NOSIP: variants seen among roughly 807,000 people sequenced by gnomAD.
NOSIP encodes the protein nitric oxide synthase interacting protein, also known as nitric oxide synthase-interacting protein.
Under a neutral mutation model 36.4 loss-of-function variants are expected in NOSIP, and 25 were observed. The ratio of observed to expected loss-of-function variants is 0.69; its 90% CI spans 0.50 to 0.96. The LOEUF is 0.96. NOSIP is among the 40% of genes least tolerant of loss of function. The probability of loss-of-function intolerance (pLI) is 0.00; values close to 1 mark genes in which losing one functional copy is unlikely to be tolerated. For synonymous variants in NOSIP, 187 were observed against 179.2 expected (o/e 1.04, Z -0.35); for missense variants, 370 against 429.0 (o/e 0.86, Z 1.21).
intron 1 of NOSIP, among the ~76,000 whole-genome samples, chr19:49,575,940 ACTAACACGGTGAAACCCCGT>A (rs2080546629): frequency 6.6e-6 from 1 of 151,526 alleles, no homozygotes; most frequent in Non-Finnish European, 1.5e-5. Context: ...GACCATCCTG[ACTAACACGGTGAAACCCCGT>A]CTCTACTAAT....
At chr19:49,574,030 T>G (rs1043249826) in intron 1 of NOSIP, among the ~76,000 whole-genome samples, 11 of 151,990 alleles carry the variant, frequency 7.2e-5, no homozygotes, top group Admixed American at 1.3e-4. Context: ...TAGATACTTT[T>G]TTTGTATTTT....
Position 49,557,237 on chromosome 19 carries a change from G to A in NOSIP, c.271C>T (p.Gln91Ter). Residue 91 changes from glutamine (Q) to a stop codon, truncating the protein, a stop_gained, in exon 5 of 9, where the codon CAG becomes TAG. Coordinates refer to ENST00000596358, the MANE Select transcript of NOSIP (RefSeq NM_001270960.2). LOFTEE classifies it high-confidence loss of function. ...IARQMKAYEK[Q>*]RGTRREEQKE... ...TGCTCCTCGCGCCGGGTGCCCCGCTGCTTCTCGTAGGCCTGCGTCGGGGAA... is the reference window on the plus strand; with the variant it reads ...TGCTCCTCGCGCCGGGTGCCCCGCTACTTCTCGTAGGCCTGCGTCGGGGAA... The A allele has an allele frequency of 1.3e-6, 2 of 1,588,668 alleles. No homozygotes were observed. The highest frequency in any genetic ancestry group is 1.7e-6 in the Non-Finnish European group (2 of 1,168,482).
At chr19:49,558,578 A>T (rs140956669) in intron 4 of NOSIP, 17 of 283,982 alleles carry the variant, frequency 6.0e-5, no homozygotes, top group Non-Finnish European at 5.4e-5. Context: ...TATCTTTACT[A>T]AGGACCTAAG....
chr19:49,565,332 C>T lies in NOSIP; in HGVS notation c.-1-4640G>A, dbSNP rs559374808. ...AAGGTGGGGGTGACTAGGAGGGGCA[C>T]AGGTAGCATCTGGGAGGCTGGGAAT... On this transcript the variant is annotated intron_variant, in intron 1 of 8. Coordinates refer to ENST00000596358, the MANE Select transcript of NOSIP (RefSeq NM_001270960.2). Among the ~76,000 whole-genome samples the T allele has an allele frequency of 3.3e-5, 5 of 150,974 alleles. No individual in the cohort carries two copies. The South Asian group carries it at 1.0e-3, about 32-fold the overall frequency.
intron 1 of NOSIP, among the ~76,000 whole-genome samples, chr19:49,571,939 C>T (rs1282656430): frequency 1.4e-5 from 2 of 140,542 alleles, no homozygotes; most frequent in Admixed American, 7.3e-5. Context: ...GAGCCCAGAT[C>T]GCACCACTGC....
chr19:49,555,708 T>TC lies in NOSIP; in HGVS notation c.*42dup. On this transcript the variant is annotated 3_prime_UTR_variant, in exon 9 of 9. Coordinates refer to ENST00000596358, the MANE Select transcript of NOSIP (RefSeq NM_001270960.2). ...CCACGCCGCGAATGAAGGCGCCACG[T>TC]CGTTGCGCACCCAAGCCGGTTTATT... is the stretch of plus-strand genomic sequence containing the variant. The TC allele has an allele frequency of 6.4e-7, 1 of 1,557,960 alleles. No individual in the cohort carries two copies. Among genetic ancestry groups the TC allele is most frequent in the Non-Finnish European group, 8.8e-7 (1 of 1,130,700 alleles).
intron 1 of NOSIP, chr19:49,566,744 C>T (rs1274258800): frequency 3.9e-5 from 6 of 151,998 alleles, no homozygotes; most frequent in Admixed American, 3.9e-4. Flanking sequence ...TTCCTTTCCA[C>T]TTCCACTCCT....
intron 7 of NOSIP, 47 bp downstream of exon 7, chr19:49,556,502 C>T: frequency 6.2e-7 from 1 of 1,607,586 alleles, no homozygotes; most frequent in Non-Finnish European, 8.5e-7. Context: ...CCGGACCGCC[C>T]CGCAGGTTCC....
At chr19:49,565,410 G>A (rs1051763815) in intron 1 of NOSIP, among the ~76,000 whole-genome samples, 2 of 152,010 alleles carry the variant, frequency 1.3e-5, no homozygotes, top group African/African-American at 2.4e-5. Context: ...TCTGAAAGTC[G>A]CTGGGTTAGA....
chr19:49,570,462 A>G (rs2080469801), intron 1 of NOSIP, among the ~76,000 whole-genome samples: 2 of 152,166 alleles, frequency 1.3e-5, no homozygotes, highest in Non-Finnish European at 2.9e-5. Flanking sequence ...GTTGGATGCG[A>G]TCTGACAAAT....
chr19:49,571,883 G>A (rs567316144), intron 1 of NOSIP, among the ~76,000 whole-genome samples: 8 of 150,578 alleles, frequency 5.3e-5, no homozygotes, highest in East Asian at 2.0e-4. Context: ...TGCTCGGGAG[G>A]CTGAGGCAGA....
chr19:49,568,810 GT>G (rs1200980202), intron 1 of NOSIP, among the ~76,000 whole-genome samples: 22 of 118,028 alleles, frequency 1.9e-4, no homozygotes, highest in Admixed American at 2.8e-4. Context: ...TTGTTTGTTT[GT>G]TTTTTTTTTT....
chr19:49,568,645 AG>A (rs2080441485), intron 1 of NOSIP, among the ~76,000 whole-genome samples: 1 of 152,040 alleles, frequency 6.6e-6, no homozygotes, highest in Admixed American at 6.6e-5. Flanking sequence ...CCACTCCAAT[AG>A]AAAGATGAGT....
chr19:49,556,194 A>T, intron 8 of NOSIP, 123 bp downstream of exon 8: 4 of 400,058 alleles, frequency 1.0e-5, no homozygotes, highest in Non-Finnish European at 1.4e-5. Context: ...GGCCTTACAG[A>T]GCAGAGAAGA....
intron 1 of NOSIP, among the ~76,000 whole-genome samples, chr19:49,566,027 CT>C (rs577090472): frequency 1.2e-3 from 178 of 145,488 alleles, no homozygotes; most frequent in African/African-American, 1.4e-3. Context: ...TTTTCTTCTT[CT>C]TTTTTTTTTT....
rs758989830 is a variant in NOSIP, at chr19:49,556,918, G to A, written c.494C>T (p.Pro165Leu). The change falls in exon 6 of 9, where the codon CCG becomes CTG. Residue 165 changes from proline (P) to leucine (L), a missense_variant. By Grantham distance (98) the Pro-to-Leu change is moderately conservative (BLOSUM62 -3). This residue lies in a region of NOSIP where 315 missense variants were observed against 331.9 expected (regional missense o/e 0.95). Transcript: ENST00000596358. ...KDKVLPSFWIPSLTPEAKATK... is the reference protein window; with the variant it reads ...KDKVLPSFWILSLTPEAKATK... ...GGCCTTGGCTTCGGGCGTCAGCGACGGGATCCAGAAGCTGGGCAGCACTTT... is the reference window on the plus strand; with the variant it reads ...GGCCTTGGCTTCGGGCGTCAGCGACAGGATCCAGAAGCTGGGCAGCACTTT... 2 of 1,613,536 alleles carry A rather than the reference G, an allele frequency of 1.2e-6. No homozygotes were observed. The highest frequency in any genetic ancestry group is 1.7e-6 in the Non-Finnish European group (2 of 1,179,720).
intron 3 of NOSIP, chr19:49,559,179 G>A: frequency 3.4e-6 from 2 of 586,768 alleles, no homozygotes; most frequent in Admixed American, 2.9e-5. Flanking sequence ...ATCAGCAAAG[G>A]AAAAAGGCAC....
chr19:49,565,106 T>C (rs2080388703), intron 1 of NOSIP, among the ~76,000 whole-genome samples: 1 of 151,994 alleles, frequency 6.6e-6, no homozygotes, highest in Non-Finnish European at 1.5e-5. Context: ...CAAAACCTTG[T>C]CACTACAAAA....
chr19:49,567,476 C>T (rs2080426882), intron 1 of NOSIP, among the ~76,000 whole-genome samples: 1 of 151,988 alleles, frequency 6.6e-6, no homozygotes, highest in Non-Finnish European at 1.5e-5. Context: ...CTGCACAGGT[C>T]TATATACCTC....
Sources: allele counts gnomAD v4.1 joint callset (sites outside exome capture counted in the v4.1 genomes callset), GRCh38; gene constraint gnomAD v4.1.1; regional missense constraint gnomAD v4.1.1; transcripts MANE v1.5; gene names NCBI Gene and HGNC (gene_info 2026-07-23, HGNC 2026-07-21).